Variants in SLC35B2 observed in about 807,000 individuals in gnomAD.
SLC35B2 encodes solute carrier family 35 member B2, also known as adenosine 3'-phospho 5'-phosphosulfate transporter 1.
A neutral mutation model predicts 37.9 loss-of-function variants in SLC35B2; 19 were observed. The observed-to-expected ratio is 0.50, with a 90% CI of 0.35 to 0.74. The LOEUF is 0.74. SLC35B2 is among the 30% of genes least tolerant of loss of function. The pLI is 0.01. For missense variants in SLC35B2, 633 were observed against 547.6 expected, an observed-to-expected ratio of 1.16 and a Z score of -1.56; for synonymous variants, 277 against 225.2, an observed-to-expected ratio of 1.23 and a Z score of -2.06.
chr6:44,255,392 T>TAAG lies in SLC35B2; in HGVS notation c.610_612dup (p.Leu204dup). The TAAG allele has an allele frequency of 6.2e-7, 1 of 1,614,168 alleles. No homozygotes were observed. Among genetic ancestry groups the TAAG allele is most frequent in the Non-Finnish European group, 8.5e-7 (1 of 1,180,018 alleles). On this transcript the variant is annotated inframe_insertion, in exon 4 of 4. Coordinates refer to ENST00000393812, the MANE Select transcript of SLC35B2 (RefSeq NM_178148.4). ...ACCTGGGTGGGGAAGCTGACGAACT[T>TAAG]AAGAGCTTCGTATTGGCACCAGCTG...
In SLC35B2 at chr6:44,255,015, G is replaced by T. The variant is rs367551801; in HGVS notation, c.990C>A (p.Phe330Leu). ...EQGALLEGTRFMGRHSEFAAH... is the reference protein window; with the variant it reads ...EQGALLEGTRLMGRHSEFAAH... ...CAGCAAACTCACTGTGTCGCCCCAT[G>T]AAGCGGGTTCCCTCCAGTAGGGCCC... Residue 330 changes from phenylalanine to leucine, a missense_variant, in exon 4 of 4, where the codon TTC (phenylalanine) becomes TTA (leucine). Phe to Leu is a conservative substitution (Grantham distance 22). Coordinates refer to ENST00000393812, the MANE Select transcript of SLC35B2 (RefSeq NM_178148.4). 6.2e-7 allele frequency: 1 copy of T among 1,614,206 alleles called. No individual in the cohort carries two copies. The highest frequency in any genetic ancestry group is 8.5e-7 in the Non-Finnish European group (1 of 1,180,018).
In SLC35B2 at chr6:44,257,058, C is replaced by T. The variant is rs1781611444; in HGVS notation, c.12-180G>A. ...CGGGGAGGGGGTGCGCCGGCGCTGG[C>T]CAGGCAGAGCTTCCTCCCTCCCCGG... On this transcript the variant is annotated intron_variant, in intron 1 of 3. Transcript: ENST00000393812. The T allele has an allele frequency of 5.6e-6, 4 of 716,252 alleles. No individual in the cohort carries two copies. In the East Asian group the frequency reaches 1.2e-4, roughly 21 times the overall value. The allele number at this position is 716,252 out of a possible 1,614,324, so 44.4% of individuals were successfully genotyped here. A position where few individuals can be genotyped will look rare whatever the true frequency, so the allele number is the denominator to read the frequency against.
intron 3 of SLC35B2, 104 bp downstream of exon 3, chr6:44,256,236 AAC>A: frequency 1.4e-5 from 21 of 1,452,360 alleles, no homozygotes; most frequent in Non-Finnish European, 1.9e-5. Flanking sequence ...GAGGACACGA[AAC>A]ACACCAGCCA....
Position 44,257,401 on chromosome 6 carries a change from T to A in SLC35B2, c.10A>T (p.Arg4Ter). 7.8e-7 allele frequency: 1 copy of A among 1,275,592 alleles called. No homozygotes were observed. Among genetic ancestry groups the A allele is most frequent in the Non-Finnish European group, 1.0e-6 (1 of 1,003,566 alleles). 79.0% of individuals were successfully genotyped at this position (1,275,592 alleles called of 1,614,324 possible). Residue 4 changes from arginine to a stop codon, truncating the protein, a stop_gained and splice_region_variant, in exon 1 of 4, where the codon AGA (arginine) becomes TGA (stop). Coordinates refer to ENST00000393812, the MANE Select transcript of SLC35B2 (RefSeq NM_178148.4). LOFTEE classifies it high-confidence loss of function. ...GCTCGCTGCTGCCCTAGCCCCCACC[T>A]GGCGTCCATGGTCCAGGCCGCGTGG... MDA[R>*]WWAVVVLAAF...
At position 44,254,728 on chromosome 6, in the gene SLC35B2, T is replaced by A; in HGVS notation, c.1277A>T (p.Glu426Val). The part of the protein sequence containing the change: ...KQRGKKAVPV[E>V]SPVQKV Reference sequence around the variant, plus strand: ...CCCTCAAACCTTCTGCACAGGAGACTCAACAGGCACAGCCTTCTTTCCCCG... The same window carrying A: ...CCCTCAAACCTTCTGCACAGGAGACACAACAGGCACAGCCTTCTTTCCCCG... The change falls in exon 4 of 4, where the codon GAG (glutamate) becomes GTG (valine). Residue 426 changes from glutamate (E) to valine (V), a missense_variant. Transcript: ENST00000393812. The A allele has an allele frequency of 6.2e-7, 1 of 1,612,806 alleles. No individual in the cohort carries two copies. Among genetic ancestry groups the A allele is most frequent in the Non-Finnish European group, 8.5e-7 (1 of 1,179,022 alleles).
chr6:44,255,288 C>T lies in SLC35B2; in HGVS notation c.717G>A (p.Glu239=), dbSNP rs1331102622. Reference sequence around the variant, plus strand: ...TGGAGATGAGGGTGGCTGTCAGGTACTCCCAGTGTTCGTAGCTGCGCCGAG... The same window carrying T: ...TGGAGATGAGGGTGGCTGTCAGGTATTCCCAGTGTTCGTAGCTGCGCCGAG... ...LVSRRSYEHW[E]YLTATLISIG... Residue 239 remains glutamate (E), a synonymous_variant, in exon 4 of 4, where the codon GAG becomes GAA. Coordinates refer to ENST00000393812, the MANE Select transcript of SLC35B2 (RefSeq NM_178148.4). 3.1e-6 allele frequency: 5 copies of T among 1,614,226 alleles called. No homozygotes were observed. The East Asian group carries it at 6.7e-5, about 22-fold the overall frequency.
At position 44,254,782 on chromosome 6, in the gene SLC35B2, C is replaced by G; in HGVS notation, c.1223G>C (p.Arg408Thr). The change falls in exon 4 of 4, where the codon AGA becomes ACA. Residue 408 changes from arginine (R) to threonine (T), a missense_variant. Coordinates refer to ENST00000393812, the MANE Select transcript of SLC35B2 (RefSeq NM_178148.4). ...CTTTAGACGGCCCCGCGCGTAGACT[C>G]TGAGCAGGAGGGCAGCAAAGACCAC... ...VAVVFAALLL[R>T]VYARGRLKQR... is the part of the protein sequence containing the mutation. 1.2e-6 allele frequency: 2 copies of G among 1,614,176 alleles called. No homozygotes were observed. Among genetic ancestry groups the G allele is most frequent in the Non-Finnish European group, 1.7e-6 (2 of 1,180,042 alleles).
At chr6:44,257,027 C>T in intron 1 of SLC35B2, 149 bp from the exon 2 acceptor site, 1 of 927,906 alleles carries the variant, frequency 1.1e-6, no homozygotes. Context: ...CTCTCTCTCT[C>T]TCTCTCGGGG....
chr6:44,255,671 G>A (rs1781352340), intron 3 of SLC35B2, 27 bp from the exon 4 acceptor site: 2 of 1,584,820 alleles, frequency 1.3e-6, no homozygotes, highest in South Asian at 1.1e-5. Flanking sequence ...AGACAAAGGA[G>A]ACAATAAGCA....
intron 2 of SLC35B2, 91 bp downstream of exon 2, chr6:44,256,594 C>G: frequency 1.2e-6 from 2 of 1,611,370 alleles, no homozygotes; most frequent in South Asian, 2.2e-5. Flanking sequence ...CTACCGACCT[C>G]CCGCCCTCTC....
chr6:44,256,678 C>T lies in SLC35B2; in HGVS notation c.205+7G>A. 1 of 1,613,996 alleles carries T rather than the reference C, an allele frequency of 6.2e-7. No individual in the cohort carries two copies. Among genetic ancestry groups the T allele is most frequent in the Non-Finnish European group, 8.5e-7 (1 of 1,179,962 alleles). On this transcript the variant is annotated splice_region_variant and intron_variant, in intron 2 of 3. Transcript: ENST00000393812. ...CTAGCTCACTTCCCCGCCCTTTCTT[C>T]ACACACCGGTCTCCAGGTAGTTCTT...
chr6:44,254,918 C>T lies in SLC35B2; in HGVS notation c.1087G>A (p.Gly363Arg), dbSNP rs1240654823. 3 of 1,614,180 alleles carry T rather than the reference C, an allele frequency of 1.9e-6. No homozygotes were observed. The highest frequency in any genetic ancestry group is 2.5e-6 in the Non-Finnish European group (3 of 1,180,040). Residue 363 changes from glycine (G) to arginine (R), a missense_variant, in exon 4 of 4, where the codon GGG becomes AGG. By Grantham distance (125) the Gly-to-Arg change is moderately radical (BLOSUM62 -2). Coordinates refer to ENST00000393812, the MANE Select transcript of SLC35B2 (RefSeq NM_178148.4). ...ATGATGATGGTGAAGACGGCAGCCC[C>T]AAACTGCCCAATGGTGTAAAAGATG... ...LFIFYTIGQF[G>R]AAVFTIIMTL...
In SLC35B2 at chr6:44,255,369, C is replaced by A; in HGVS notation, c.636G>T (p.Gln212His). The change falls in exon 4 of 4, where the codon CAG becomes CAT. Residue 212 changes from glutamine to histidine, a missense_variant. By Grantham distance (24) the Gln-to-His change is conservative. Coordinates refer to ENST00000393812, the MANE Select transcript of SLC35B2 (RefSeq NM_178148.4). ...EALKFVSFPTQVLAKASKVIP... is the reference protein window; with the variant it reads ...EALKFVSFPTHVLAKASKVIP... ...TCACCTTAGAGGCCTTGGCCAGCAC[C>A]TGGGTGGGGAAGCTGACGAACTTAA... The A allele has an allele frequency of 6.2e-7, 1 of 1,614,244 alleles. No individual in the cohort carries two copies. The highest frequency in any genetic ancestry group is 8.5e-7 in the Non-Finnish European group (1 of 1,180,038).
intron 3 of SLC35B2, among the ~76,000 whole-genome samples, 181 bp from the exon 4 acceptor site, chr6:44,255,825 A>G (rs1781383371): frequency 1.3e-5 from 2 of 152,206 alleles, no homozygotes; most frequent in South Asian, 4.1e-4. Flanking sequence ...TAGGGAATCA[A>G]CTGTGTGTGA....
At position 44,254,748 on chromosome 6, in the gene SLC35B2, TC is replaced by T; in HGVS notation, c.1256del (p.Gly419GlufsTer26). The part of the protein sequence containing the change: ...VYARGRLKQR[G>X]KKAVPVESPV... ...GAGACTCAACAGGCACAGCCTTCTT[TC>T]CCCGTTGCTTTAGACGGCCCCGCGC... On this transcript the variant is annotated frameshift_variant, in exon 4 of 4. Transcript: ENST00000393812. LOFTEE classifies it high-confidence loss of function. 6.2e-7 allele frequency: 1 copy of T among 1,613,856 alleles called. No individual in the cohort carries two copies. The highest frequency in any genetic ancestry group is 8.5e-7 in the Non-Finnish European group (1 of 1,179,836).
In SLC35B2 at chr6:44,254,479, A is replaced by C. The variant is rs1392403600; in HGVS notation, c.*227T>G. On this transcript the variant is annotated 3_prime_UTR_variant, in exon 4 of 4. Coordinates refer to ENST00000393812, the MANE Select transcript of SLC35B2 (RefSeq NM_178148.4). The stretch of plus-strand genomic sequence containing the variant: ...AACTCCCCAAAACCCCTCACTGAGG[A>C]CTGTCTACCCCCGGGGCTCAGAATA... The C allele has an allele frequency of 3.7e-6, 2 of 544,128 alleles. No homozygotes were observed. The highest frequency in any genetic ancestry group is 6.5e-6 in the Non-Finnish European group (2 of 308,698). 33.7% of individuals were successfully genotyped at this position (544,128 alleles called of 1,614,324 possible). A position where few individuals can be genotyped will look rare whatever the true frequency, so the allele number is the denominator to read the frequency against.
Position 44,254,922 on chromosome 6 carries a change from C to T in SLC35B2, c.1083G>A (p.Gln361=). Residue 361 remains glutamine (Q), a synonymous_variant, in exon 4 of 4, where the codon CAG becomes CAA. Transcript: ENST00000393812. ...TGATGGTGAAGACGGCAGCCCCAAA[C>T]TGCCCAATGGTGTAAAAGATGAAGA... The part of the protein sequence containing the change: ...GQLFIFYTIG[Q]FGAAVFTIIM... 1 of 1,614,202 alleles carries T rather than the reference C, an allele frequency of 6.2e-7. No homozygotes were observed. The highest frequency in any genetic ancestry group is 8.5e-7 in the Non-Finnish European group (1 of 1,180,028).
rs1201559088 is a variant in SLC35B2 at position 44,255,365 on chromosome 6, G to T, written c.640C>A (p.Leu214Met). The T allele has an allele frequency of 6.2e-7, 1 of 1,614,260 alleles. No homozygotes were observed. Among genetic ancestry groups the T allele is most frequent in the South Asian group, 1.1e-5 (1 of 91,090 alleles). Residue 214 changes from leucine to methionine, a missense_variant, in exon 4 of 4, where the codon CTG (leucine) becomes ATG (methionine). Physicochemically the swap from Leu to Met is conservative, Grantham distance 15 (BLOSUM62 2). Transcript: ENST00000393812. ...LKFVSFPTQV[L>M]AKASKVIPVM... ...GGGATCACCTTAGAGGCCTTGGCCA[G>T]CACCTGGGTGGGGAAGCTGACGAAC...
chr6:44,257,451 G>C lies in SLC35B2; in HGVS notation c.-41C>G. On this transcript the variant is annotated 5_prime_UTR_variant, in exon 1 of 4. Coordinates refer to ENST00000393812, the MANE Select transcript of SLC35B2 (RefSeq NM_178148.4). ...GGGTGGAGGGGGAACCGGGGAATGC[G>C]AGTCCCCGGGCCGCGCGCCCCCTGC... The C allele has an allele frequency of 8.0e-7, 1 of 1,247,022 alleles. No individual in the cohort carries two copies. 77.2% of individuals were successfully genotyped at this position (1,247,022 alleles called of 1,614,324 possible).
Sources: allele counts gnomAD v4.1 joint callset (sites outside exome capture counted in the v4.1 genomes callset), GRCh38; gene constraint gnomAD v4.1.1; transcripts MANE v1.5; gene names NCBI Gene and HGNC (gene_info 2026-07-23, HGNC 2026-07-21).